Variants in DIDO1 observed in about 807,000 individuals in gnomAD.
DIDO1 encodes the protein death-inducer obliterator 1.
In DIDO1, 16 loss-of-function variants were observed where a neutral mutation model predicts 99.4. The observed-to-expected ratio is 0.16, with a 90% confidence interval of 0.11 to 0.24. The LOEUF (loss-of-function observed/expected upper bound fraction) is 0.24. Ranked by LOEUF, DIDO1 falls within the 10% of genes least tolerant of loss-of-function variation. The pLI, the probability that DIDO1 is intolerant of heterozygous loss-of-function variation, is 1.00. For missense variants in DIDO1, 2,996 were observed against 3,014.0 expected (o/e 0.99, Z 0.14); for synonymous variants, 1,366 against 1,239.1 (o/e 1.10, Z -2.15).
intron 15 of DIDO1, chr20:62,889,493 A>G: frequency 1.0e-6 from 1 of 985,484 alleles, no homozygotes; most frequent in Non-Finnish European, 1.2e-6. Flanking sequence ...ATGTTTCTGT[A>G]AAGAAAAAGT....
At chr20:62,920,765 G>C (rs2065122389) in intron 1 of DIDO1, among the ~76,000 whole-genome samples, 1 of 152,214 alleles carries the variant, frequency 6.6e-6, no homozygotes, top group Non-Finnish European at 1.5e-5. Flanking sequence ...TTTGAATTCG[G>C]AAGGAGAATC....
rs759715532 is a variant in DIDO1 at position 62,879,807 on chromosome 20, A to C, written c.6149T>G (p.Leu2050Arg). The C allele has an allele frequency of 1.1e-5, 17 of 1,609,870 alleles. No homozygotes were observed. Among genetic ancestry groups the C allele is most frequent in the East Asian group, 2.2e-5 (1 of 44,742 alleles). The stretch of plus-strand genomic sequence containing the variant: ...GCCCTGTCCGGGCGCACTGGAGGAG[A>C]GCGCGGAGGGCGGCCCGGCCTCCTC... ...RWEEAGPPSA[L>R]SSSAPGQGPE... Residue 2050 changes from leucine (L) to arginine (R), a missense_variant, in exon 16 of 16, where the codon CTC (leucine) becomes CGC (arginine). Leu to Arg is a moderately radical substitution (Grantham distance 102). Coordinates refer to ENST00000395343, the MANE Select transcript of DIDO1 (RefSeq NM_001193369.2). This position sits in a 1 kb window ranked among gnomAD's most constrained non-coding sequence, Gnocchi z 6.3.
intron 1 of DIDO1, among the ~76,000 whole-genome samples, chr20:62,923,408 A>T (rs1448224681): frequency 6.6e-6 from 1 of 151,958 alleles, no homozygotes. Flanking sequence ...AACTCCTGAC[A>T]AGTGATCCAC....
At position 62,882,092 on chromosome 20, in the gene DIDO1, T is replaced by C; in HGVS notation, c.3864A>G (p.Thr1288=). The part of the protein sequence containing the change: ...SLKPAAPSPA[T]AATTAAAAST... ...AGGCTGCCGCTGCTGTTGTGGCTGC[T>C]GTGGCTGGGCTGGGGGCTGCAGGTT... The change falls in exon 16 of 16, where the codon ACA becomes ACG. Residue 1288 remains threonine, a synonymous_variant. Coordinates refer to ENST00000395343, the MANE Select transcript of DIDO1 (RefSeq NM_001193369.2). 6.2e-7 allele frequency: 1 copy of C among 1,613,132 alleles called. No homozygotes were observed. Among genetic ancestry groups the C allele is most frequent in the Non-Finnish European group, 8.5e-7 (1 of 1,179,854 alleles).
chr20:62,927,313 CACTT>C (rs1049844211), upstream of DIDO1, among the ~76,000 whole-genome samples: 5 of 152,210 alleles, frequency 3.3e-5, no homozygotes, highest in African/African-American at 4.8e-5. Flanking sequence ...AAAGATTAGA[CACTT>C]ACTATCAAGA....
At chr20:62,903,501 GA>G (rs2064730615) in intron 6 of DIDO1, among the ~76,000 whole-genome samples, 1 of 152,198 alleles carries the variant, frequency 6.6e-6, no homozygotes, top group African/African-American at 2.4e-5. Context: ...GCCAGCCAGG[GA>G]GGCAGGGCAG....
At position 62,881,887 on chromosome 20, in the gene DIDO1, G is replaced by C. The variant is rs751784204; in HGVS notation, c.4069C>G (p.Pro1357Ala). 1 of 1,613,500 alleles carries C rather than the reference G, an allele frequency of 6.2e-7. No homozygotes were observed. The highest frequency in any genetic ancestry group is 1.1e-5 in the South Asian group (1 of 91,078). Reference protein sequence around the residue: ...KTTAEDGVPAPPLLDPIVQQF... With the variant: ...KTTAEDGVPAAPLLDPIVQQF... ...TGGACGATCGGATCTAACAACGGAG[G>C]TGCCGGCACCCCGTCCTCTGCTGTG... is the stretch of plus-strand genomic sequence containing the variant. The change falls in exon 16 of 16, where the codon CCT becomes GCT. Residue 1357 changes from proline to alanine, a missense_variant. This residue lies in a region of DIDO1 where 1,562 missense variants were observed against 1,412.6 expected (regional missense o/e 1.11). Transcript: ENST00000395343. This position sits in a 1 kb window ranked among gnomAD's most constrained non-coding sequence, Gnocchi z 8.3.
chr20:62,894,211 A>C lies in DIDO1; in HGVS notation c.2573-17T>G. 2 of 1,607,000 alleles carry C rather than the reference A, an allele frequency of 1.2e-6. No homozygotes were observed. Among genetic ancestry groups the C allele is most frequent in the Non-Finnish European group, 1.7e-6 (2 of 1,174,658 alleles). ...GAACCTGGCCTGAAGAAGGCGAGGA[A>C]AGGCTCTGTGAGAAACCCAGCCGGC... On this transcript the variant is annotated splice_polypyrimidine_tract_variant and intron_variant, in intron 11 of 15. Coordinates refer to ENST00000395343, the MANE Select transcript of DIDO1 (RefSeq NM_001193369.2). This position sits in a 1 kb window ranked among gnomAD's most constrained non-coding sequence, Gnocchi z 4.4.
At chr20:62,884,635 G>A (rs778721560) in intron 15 of DIDO1, among the ~76,000 whole-genome samples, 1 of 152,196 alleles carries the variant, frequency 6.6e-6, no homozygotes, top group Non-Finnish European at 1.5e-5. Flanking sequence ...AGGAACTGAT[G>A]GACAGGCTGA....
upstream of DIDO1, among the ~76,000 whole-genome samples, chr20:62,929,693 G>GTATATATATA (rs565069048): frequency 2.7e-3 from 263 of 97,870 alleles, 36 homozygotes; most frequent in African/African-American, 4.7e-3. Flanking sequence ...AAAAGAAAAA[G>GTATATATATA]TGTATATATA....
Position 62,879,795 on chromosome 20 carries a change from G to C in DIDO1, c.6161C>G (p.Ala2054Gly). 1.2e-6 allele frequency: 2 copies of C among 1,611,186 alleles called. No individual in the cohort carries two copies. The change falls in exon 16 of 16, where the codon GCG (alanine) becomes GGG (glycine). Residue 2054 changes from alanine to glycine, a missense_variant. This residue lies in a region of DIDO1 where 1,562 missense variants were observed against 1,412.6 expected (regional missense o/e 1.11). Transcript: ENST00000395343. This position sits in a 1 kb window ranked among gnomAD's most constrained non-coding sequence, Gnocchi z 6.3. ...AGPPSALSSS[A>G]PGQGPEADGQ... ...GTCGGCCTCGGGGCCCTGTCCGGGC[G>C]CACTGGAGGAGAGCGCGGAGGGCGG...
chr20:62,904,873 T>A (rs1033779808), intron 6 of DIDO1: 1 of 561,292 alleles, frequency 1.8e-6, no homozygotes. Flanking sequence ...TGCCTTCCCT[T>A]AGGGAATCTG....
At chr20:62,916,282 A>G (rs1404940633) in intron 1 of DIDO1, among the ~76,000 whole-genome samples, 2 of 152,190 alleles carry the variant, frequency 1.3e-5, no homozygotes, top group Non-Finnish European at 2.9e-5. Context: ...TTAAAACAGA[A>G]TGTACCAAAT....
intron 1 of DIDO1, among the ~76,000 whole-genome samples, chr20:62,924,679 G>A (rs965962110): frequency 6.6e-6 from 1 of 152,098 alleles, no homozygotes; most frequent in Non-Finnish European, 1.5e-5. Flanking sequence ...CCGATGATCC[G>A]CACGTCCTAG....
rs549258654 is a variant in DIDO1, at chr20:62,911,090, C to G, written c.523G>C (p.Glu175Gln). The change falls in exon 3 of 16, where the codon GAG becomes CAG. Residue 175 changes from glutamate to glutamine, a missense_variant. Glu to Gln is a conservative substitution (Grantham distance 29, BLOSUM62 2). Transcript: ENST00000395343. The surrounding 1 kb of genome is among the most constrained non-coding windows in gnomAD (Gnocchi z 7.0). ...QNRLRRKREQ[E>Q]PTERPLKGIQ... Reference sequence around the variant, plus strand: ...CCTTTCAGGGGCCTCTCAGTGGGCTCCTGTTCCCGCTTCCTGCGAAGGCGA... The same window carrying G: ...CCTTTCAGGGGCCTCTCAGTGGGCTGCTGTTCCCGCTTCCTGCGAAGGCGA... 1.2e-6 allele frequency: 2 copies of G among 1,613,938 alleles called. No homozygotes were observed. Among genetic ancestry groups the G allele is most frequent in the African/African-American group, 2.7e-5 (2 of 75,054 alleles).
chr20:62,879,389 C>G lies in DIDO1; in HGVS notation c.6567G>C (p.Arg2189=), dbSNP rs982716289. ...RERERDRRRD[R]DRSRSRERDR... Reference sequence around the variant, plus strand: ...CCCGCTCTCTGCTCCGGGACCGGTCCCGGTCGCGCCTCCGGTCTCGCTCGC... The same window carrying G: ...CCCGCTCTCTGCTCCGGGACCGGTCGCGGTCGCGCCTCCGGTCTCGCTCGC... Residue 2189 remains arginine, a synonymous_variant, in exon 16 of 16, where the codon CGG becomes CGC. Transcript: ENST00000395343. The surrounding 1 kb of genome is among the most constrained non-coding windows in gnomAD (Gnocchi z 6.3). The G allele has an allele frequency of 2.8e-5, 44 of 1,544,218 alleles. No individual in the cohort carries two copies. Among genetic ancestry groups the G allele is most frequent in the East Asian group, 7.3e-5 (3 of 40,942 alleles).
At chr20:62,906,598 T>C (rs2064810178) in intron 5 of DIDO1, among the ~76,000 whole-genome samples, 1 of 152,260 alleles carries the variant, frequency 6.6e-6, no homozygotes, top group South Asian at 2.1e-4. Flanking sequence ...CAGTGCTAGT[T>C]GCGCTTTGCT....
chr20:62,901,227 CA>C (rs1159866462), intron 6 of DIDO1, among the ~76,000 whole-genome samples: 3 of 152,208 alleles, frequency 2.0e-5, no homozygotes, highest in African/African-American at 7.2e-5. Context: ...GCAGGGTCCA[CA>C]GCTAGACTGC....
upstream of DIDO1, among the ~76,000 whole-genome samples, chr20:62,929,694 T>C (rs770838494): frequency 2.4e-4 from 20 of 81,684 alleles, 3 homozygotes; most frequent in Admixed American, 6.4e-4. Context: ...AAAGAAAAAG[T>C]GTATATATAT....
Sources: gnomAD v4.1 joint callset for allele counts (sites outside exome capture counted in the v4.1 genomes callset) on GRCh38, gnomAD v4.1.1 for gene constraint, gnomAD v4.1.1 regional missense constraint, Gnocchi (gnomAD v3.1) non-coding constraint, MANE v1.5 for transcripts, NCBI Gene and HGNC (gene_info 2026-07-23, HGNC 2026-07-21) for gene names.